The following PNPLA5 variants were observed in gnomAD, a reference collection of about 807,000 sequenced individuals.
The protein encoded by PNPLA5 is patatin like domain 5, triacylglycerol lipase.
In PNPLA5, 44 loss-of-function variants were observed where a neutral mutation model predicts 49.1. The ratio of observed to expected loss-of-function variants is 0.90; its 90% CI spans 0.70 to 1.15. The LOEUF is 1.15. Among genes scored for constraint, PNPLA5 ranks in the 50% most tolerant of loss-of-function variants. The pLI is 0.00. For synonymous variants in PNPLA5, 243 were observed against 244.4 expected, an observed-to-expected ratio of 0.99 and a Z score of 0.06; for missense variants, 603 against 564.0, an observed-to-expected ratio of 1.07 and a Z score of -0.70.
chr22:43,886,605 C>A, intron 5 of PNPLA5, 117 bp from the exon 6 acceptor site: 1 of 1,462,918 alleles, frequency 6.8e-7, no homozygotes, highest in Non-Finnish European at 9.0e-7. Context: ...TGCTGTGGGA[C>A]GGACCCACAG....
chr22:43,889,462 T>A lies in PNPLA5; in HGVS notation c.569A>T (p.His190Leu), dbSNP rs761712168. Residue 190 changes from histidine to leucine, a missense_variant, in exon 4 of 9, where the codon CAT (histidine) becomes CTT (leucine). By Grantham distance (99) the His-to-Leu change is moderately conservative. Coordinates refer to ENST00000216177, the MANE Select transcript of PNPLA5 (RefSeq NM_138814.4). Reference sequence around the variant, plus strand: ...CTGGGGGCAGATGTCCACTGTCCCATGGAAGGGCGACACCGTGATGGTGGA... The same window carrying A: ...CTGGGGGCAGATGTCCACTGTCCCAAGGAAGGGCGACACCGTGATGGTGGA... Reference protein sequence around the residue: ...CPSTITVSPFHGTVDICPQST... With the variant: ...CPSTITVSPFLGTVDICPQST... 2 of 1,613,328 alleles carry A rather than the reference T, an allele frequency of 1.2e-6. No homozygotes were observed. The highest frequency in any genetic ancestry group is 1.7e-6 in the Non-Finnish European group (2 of 1,179,816).
chr22:43,886,890 C>A (rs560229249), intron 5 of PNPLA5, among the ~76,000 whole-genome samples: 1 of 152,184 alleles, frequency 6.6e-6, no homozygotes, highest in African/African-American at 2.4e-5. Context: ...ACATATTAAG[C>A]GCTCGCCAAA....
chr22:43,892,006 C>G lies in PNPLA5; in HGVS notation c.-126G>C. The G allele has an allele frequency of 1.1e-6, 1 of 945,186 alleles. No individual in the cohort carries two copies. The allele number at this position is 945,186 out of a possible 1,614,324, so 58.5% of individuals were successfully genotyped here. On this transcript the variant is annotated 5_prime_UTR_variant, in exon 1 of 9. Transcript: ENST00000216177. Reference sequence around the variant, plus strand: ...GGCTCTGGAGGGAGCCGGGCTGGGGCTGGTGCTGGTGCTCCCTGCGCCGCC... The same window carrying G: ...GGCTCTGGAGGGAGCCGGGCTGGGGGTGGTGCTGGTGCTCCCTGCGCCGCC...
intron 2 of PNPLA5, 115 bp from the exon 3 acceptor site, chr22:43,889,979 G>C (rs950002998): frequency 1.8e-4 from 267 of 1,485,680 alleles, no homozygotes; most frequent in Non-Finnish European, 2.3e-4. Flanking sequence ...TCAGTCCCAC[G>C]TCCAGATGAG....
rs375224810 is a variant in PNPLA5, at chr22:43,884,312, C to T, written c.983G>A (p.Arg328Gln). Reference protein sequence around the residue: ...LKKACTRDPSRWARFWHSGPG... With the variant: ...LKKACTRDPSQWARFWHSGPG... ...CCCCGAGTGCCAGAAGCGGGCCCAC[C>T]GGCTGGGATCCCTCGTACATGCTTT... Residue 328 changes from arginine (R) to glutamine (Q), a missense_variant, in exon 7 of 9, where the codon CGG becomes CAG. Coordinates refer to ENST00000216177, the MANE Select transcript of PNPLA5 (RefSeq NM_138814.4). The T allele has an allele frequency of 2.6e-5, 41 of 1,597,170 alleles. No homozygotes were observed. Among genetic ancestry groups the T allele is most frequent in the Middle Eastern group, 1.7e-4 (1 of 6,004 alleles).
At chr22:43,883,666 C>A (rs1454557696) in intron 7 of PNPLA5, among the ~76,000 whole-genome samples, 1 of 151,992 alleles carries the variant, frequency 6.6e-6, no homozygotes, top group South Asian at 2.1e-4. Context: ...AAACAATTAG[C>A]CGGGCGTGGC....
In PNPLA5 at chr22:43,881,521, C is replaced by T. The variant is rs368318075; in HGVS notation, c.1199+37G>A. Reference sequence around the variant, plus strand: ...AGCTGGTGCGTTCCCCCCAGCACAGCCACCCCCTCTCCATCCCTGCCCTCT... The same window carrying T: ...AGCTGGTGCGTTCCCCCCAGCACAGTCACCCCCTCTCCATCCCTGCCCTCT... On this transcript the variant is annotated intron_variant, in intron 8 of 8. Coordinates refer to ENST00000216177, the MANE Select transcript of PNPLA5 (RefSeq NM_138814.4). The T allele has an allele frequency of 1.1e-5, 17 of 1,537,762 alleles. No individual in the cohort carries two copies. In the African/African-American group the frequency reaches 1.9e-4, roughly 17 times the overall value.
At chr22:43,886,872 G>A (rs540194096) in intron 5 of PNPLA5, among the ~76,000 whole-genome samples, 37 of 152,292 alleles carry the variant, frequency 2.4e-4, no homozygotes, top group African/African-American at 8.2e-4. Context: ...TTAAGCTCAC[G>A]TCTGGGCACA....
At chr22:43,888,394 G>GTC (rs2049688079) in intron 4 of PNPLA5, among the ~76,000 whole-genome samples, 1 of 146,096 alleles carries the variant, frequency 6.8e-6, no homozygotes, top group Non-Finnish European at 1.5e-5. Context: ...GTGTGTGTGT[G>GTC]TGTGTGTGTG....
intron 6 of PNPLA5, among the ~76,000 whole-genome samples, chr22:43,885,730 C>T (rs138505977): frequency 8.3e-4 from 126 of 152,300 alleles, no homozygotes; most frequent in East Asian, 1.9e-3. Context: ...ACACAGCGGG[C>T]GGGCAGACTA....
intron 7 of PNPLA5, among the ~76,000 whole-genome samples, chr22:43,883,538 G>A (rs1345843073): frequency 1.3e-5 from 2 of 152,240 alleles, no homozygotes; most frequent in African/African-American, 2.4e-5. Flanking sequence ...AACCTGTAGC[G>A]GTGGCTCATG....
intron 6 of PNPLA5, 119 bp downstream of exon 6, chr22:43,886,184 G>C: frequency 2.7e-6 from 3 of 1,123,746 alleles, no homozygotes; most frequent in Non-Finnish European, 3.7e-6. Context: ...TTTAGTAGGT[G>C]CTCAGTAAAT....
intron 2 of PNPLA5, among the ~76,000 whole-genome samples, 159 bp downstream of exon 2, chr22:43,890,903 A>G (rs995603815): frequency 6.6e-6 from 1 of 151,182 alleles, no homozygotes; most frequent in Non-Finnish European, 1.5e-5. Flanking sequence ...CACCCTGCCG[A>G]CCCTCTCTGG....
At chr22:43,883,408 C>T (rs1451886342) in intron 7 of PNPLA5, among the ~76,000 whole-genome samples, 1 of 152,268 alleles carries the variant, frequency 6.6e-6, no homozygotes, top group Non-Finnish European at 1.5e-5. Flanking sequence ...TCCTCAGCAA[C>T]TGCTGGTGGG....
chr22:43,883,294 T>C (rs766114223), intron 7 of PNPLA5, among the ~76,000 whole-genome samples: 2 of 152,026 alleles, frequency 1.3e-5, no homozygotes, highest in Non-Finnish European at 2.9e-5. Context: ...TAGTTACAGG[T>C]GAGTGTGTGA....
chr22:43,882,211 G>A (rs531685665), intron 7 of PNPLA5, among the ~76,000 whole-genome samples: 1 of 152,260 alleles, frequency 6.6e-6, no homozygotes, highest in East Asian at 1.9e-4. Flanking sequence ...AGCTGACAGA[G>A]CCCCCTCTTG....
rs1301234478 is a variant in PNPLA5 at position 43,889,499 on chromosome 22, C to CA, written c.531dup (p.Ala178CysfsTer29). On this transcript the variant is annotated frameshift_variant, in exon 4 of 9. Coordinates refer to ENST00000216177, the MANE Select transcript of PNPLA5 (RefSeq NM_138814.4). LOFTEE classifies it high-confidence loss of function. ...ACCGTGATGGTGGAGGGGCAGTCTGCAAAGGGCAAGTTGTTGCTCAGAGCC... is the reference window on the plus strand; with the variant it reads ...ACCGTGATGGTGGAGGGGCAGTCTGCAAAAGGGCAAGTTGTTGCTCAGAGCC... 4.3e-6 allele frequency: 7 copies of CA among 1,613,510 alleles called. No individual in the cohort carries two copies. The Admixed American group carries it at 5.0e-5, about 12-fold the overall frequency.
chr22:43,889,836 A>G lies in PNPLA5; in HGVS notation c.455T>C (p.Phe152Ser). 2 of 1,613,590 alleles carry G rather than the reference A, an allele frequency of 1.2e-6. No homozygotes were observed. Among genetic ancestry groups the G allele is most frequent in the Middle Eastern group, 1.7e-4 (1 of 6,022 alleles). The change falls in exon 3 of 9, where the codon TTC becomes TCC. Residue 152 changes from phenylalanine to serine, a missense_variant. Physicochemically the swap from Phe to Ser is radical, Grantham distance 155 (BLOSUM62 -2). Coordinates refer to ENST00000216177, the MANE Select transcript of PNPLA5 (RefSeq NM_138814.4). ...CTCGGGGGGGATCAGCCCGCAGTAG[A>G]AAGGAAAGTATAAGGTGCAGACCAA... is the stretch of plus-strand genomic sequence containing the variant. ...QALVCTLYFPFYCGLIPPEFR... is the reference protein window; with the variant it reads ...QALVCTLYFPSYCGLIPPEFR...
Position 43,886,298 on chromosome 22 carries a change from C to A in PNPLA5, c.949+5G>T. Reference sequence around the variant, plus strand: ...TAGGTGAGCAAATGCAGGTAGAGTCCCTACCAGCCTCCAGCTCTGGTGAGA... The same window carrying A: ...TAGGTGAGCAAATGCAGGTAGAGTCACTACCAGCCTCCAGCTCTGGTGAGA... On this transcript the variant is annotated splice_donor_5th_base_variant and intron_variant, in intron 6 of 8. Coordinates refer to ENST00000216177, the MANE Select transcript of PNPLA5 (RefSeq NM_138814.4). 6.2e-7 allele frequency: 1 copy of A among 1,609,734 alleles called. No homozygotes were observed. Among genetic ancestry groups the A allele is most frequent in the Non-Finnish European group, 8.5e-7 (1 of 1,177,526 alleles).
Sources: allele counts gnomAD v4.1 joint callset (sites outside exome capture counted in the v4.1 genomes callset), GRCh38; gene constraint gnomAD v4.1.1; transcripts MANE v1.5; gene names NCBI Gene and HGNC (gene_info 2026-07-23, HGNC 2026-07-21).